SLC6A5: variants seen among roughly 807,000 people sequenced by gnomAD.
SLC6A5 encodes the protein sodium- and chloride-dependent glycine transporter 2.
A neutral mutation model predicts 90.5 loss-of-function variants in SLC6A5; 58 were observed. That is an observed-to-expected ratio of 0.64 (90% CI 0.52 to 0.80). The LOEUF is 0.80. Among genes scored for constraint, SLC6A5 ranks in the 30% least tolerant of loss-of-function variants. The probability of loss-of-function intolerance (pLI) is 0.00; values close to 1 mark genes in which losing one functional copy is unlikely to be tolerated. For synonymous variants in SLC6A5, 427 were observed against 401.4 expected, an observed-to-expected ratio of 1.06 and a Z score of -0.76; for missense variants, 1,015 against 1,017.6, an observed-to-expected ratio of 1.00 and a Z score of 0.03.
chr11:20,651,209 T>G, intron 14 of SLC6A5, among the ~76,000 whole-genome samples: 1 of 110,694 alleles, frequency 9.0e-6, no homozygotes, highest in Non-Finnish European at 1.8e-5. Context: ...TCCCTCCCCT[T>G]CCCTTCCCTC....
intron 4 of SLC6A5, 127 bp from the exon 5 acceptor site, chr11:20,607,352 C>G: frequency 8.2e-7 from 1 of 1,212,450 alleles, no homozygotes; most frequent in Non-Finnish European, 1.2e-6. Flanking sequence ...GACATACAGT[C>G]CACTCTGCTA....
chr11:20,604,857 A>T (rs574558334), intron 3 of SLC6A5, among the ~76,000 whole-genome samples: 21 of 152,174 alleles, frequency 1.4e-4, no homozygotes, highest in African/African-American at 4.6e-4. Flanking sequence ...GAGATCTAAG[A>T]GGTGAGGGGG....
At chr11:20,606,664 G>C (rs1852587308) in intron 3 of SLC6A5, among the ~76,000 whole-genome samples, 1 of 152,102 alleles carries the variant, frequency 6.6e-6, no homozygotes, top group Non-Finnish European at 1.5e-5. Flanking sequence ...CAAAGGCATG[G>C]ACTGGTTGAG....
intron 3 of SLC6A5, among the ~76,000 whole-genome samples, chr11:20,606,222 C>T (rs1590155618): frequency 6.6e-6 from 1 of 152,242 alleles, no homozygotes; most frequent in Non-Finnish European, 1.5e-5. Flanking sequence ...CTGCCAAGTA[C>T]TATTGCCCTA....
intron 10 of SLC6A5, among the ~76,000 whole-genome samples, chr11:20,634,094 A>T (rs1477546789): frequency 6.6e-6 from 1 of 151,460 alleles, no homozygotes; most frequent in Non-Finnish European, 1.5e-5. Context: ...CTGGTCTTGA[A>T]CTCCTCACCT....
chr11:20,601,090 G>T lies in SLC6A5; in HGVS notation c.4-39G>T, dbSNP rs531278694. 4.1e-5 allele frequency: 64 copies of T among 1,562,750 alleles called. No individual in the cohort carries two copies. In the South Asian group the frequency reaches 6.0e-4, roughly 15 times the overall value. ...AGATACAGGTATTTTAAAAGCTGTTGTGACTTTGTTTTGCACGAACTTGAC... is the reference window on the plus strand; with the variant it reads ...AGATACAGGTATTTTAAAAGCTGTTTTGACTTTGTTTTGCACGAACTTGAC... On this transcript the variant is annotated intron_variant, in intron 1 of 15. Coordinates refer to ENST00000525748, the MANE Select transcript of SLC6A5 (RefSeq NM_004211.5).
At chr11:20,647,080 T>C (rs932584948) in intron 14 of SLC6A5, 146 bp downstream of exon 14, 7 of 695,724 alleles carry the variant, frequency 1.0e-5, no homozygotes, top group Non-Finnish European at 1.8e-5. Flanking sequence ...GTCTTTCAAA[T>C]GAGAAAACTG....
At chr11:20,643,217 ATCTC>A (rs557203052) in intron 13 of SLC6A5, among the ~76,000 whole-genome samples, 4 of 146,122 alleles carry the variant, frequency 2.7e-5, no homozygotes, top group Non-Finnish European at 4.5e-5. Flanking sequence ...AATTTCTAGA[ATCTC>A]TCTCTCTTTT....
In SLC6A5 at chr11:20,617,793, G is replaced by T. The variant is rs140296233; in HGVS notation, c.1169G>T (p.Gly390Val). The change falls in exon 7 of 16, where the codon GGC becomes GTC. Residue 390 changes from glycine to valine, a missense_variant. By Grantham distance (109) the Gly-to-Val change is moderately radical. This residue lies in a region of SLC6A5 where 567 missense variants were observed against 507.3 expected (regional missense o/e 1.12). Coordinates refer to ENST00000525748, the MANE Select transcript of SLC6A5 (RefSeq NM_004211.5). Reference sequence around the variant, plus strand: ...ATTTCTGCAGGGATTGAATATCCTGGCGAGATCAGGTGGCCACTAGCTCTC... The same window carrying T: ...ATTTCTGCAGGGATTGAATATCCTGTCGAGATCAGGTGGCCACTAGCTCTC... ...LKISAGIEYP[G>V]EIRWPLALCL... The T allele has an allele frequency of 5.3e-4, 853 of 1,614,038 alleles. 1 individual carries two copies. The highest frequency in any genetic ancestry group is 6.1e-4 in the Non-Finnish European group (714 of 1,180,024).
At chr11:20,624,693 T>C (rs7940151) in intron 7 of SLC6A5, among the ~76,000 whole-genome samples, 40,787 of 152,036 alleles carry the variant, frequency 0.27, 5,534 homozygotes, top group Middle Eastern at 0.34. Context: ...CCTGAACCAA[T>C]AGCCGTCACC....
intron 13 of SLC6A5, among the ~76,000 whole-genome samples, chr11:20,644,712 G>T (rs1478923170): frequency 6.6e-6 from 1 of 152,168 alleles, no homozygotes; most frequent in Non-Finnish European, 1.5e-5. Flanking sequence ...TGCCACAAGA[G>T]CATGTATCTT....
rs369502336 is a variant in SLC6A5 at position 20,617,824 on chromosome 11, C to T, written c.1200C>T (p.Leu400=). The change falls in exon 7 of 16, where the codon CTC becomes CTT. Residue 400 remains leucine (L), a synonymous_variant. Transcript: ENST00000525748. Reference sequence around the variant, plus strand: ...TCAGGTGGCCACTAGCTCTCTGCCTCTTCCTGGCTTGGGTCATTGTGTATG... The same window carrying T: ...TCAGGTGGCCACTAGCTCTCTGCCTTTTCCTGGCTTGGGTCATTGTGTATG... ...GEIRWPLALC[L]FLAWVIVYAS... 19 of 1,614,030 alleles carry T rather than the reference C, an allele frequency of 1.2e-5. No individual in the cohort carries two copies. Among genetic ancestry groups the T allele is most frequent in the African/African-American group, 9.3e-5 (7 of 74,922 alleles).
intron 3 of SLC6A5, among the ~76,000 whole-genome samples, chr11:20,606,778 G>A (rs907761062): frequency 6.6e-6 from 1 of 152,192 alleles, no homozygotes; most frequent in Non-Finnish European, 1.5e-5. Context: ...GTGGAGAGTT[G>A]AAATAAGGAG....
chr11:20,656,885 T>TTGA lies in SLC6A5; in HGVS notation c.*2021_*2023dup, dbSNP rs1853643447. ...CACAGATTTCTCTAAGAAAGCCATATTGATGAGAAGCCCCCAATTACTGCA... is the reference window on the plus strand; with the variant it reads ...CACAGATTTCTCTAAGAAAGCCATATTGATGATGAGAAGCCCCCAATTACTGCA... On this transcript the variant is annotated 3_prime_UTR_variant, in exon 16 of 16. Coordinates refer to ENST00000525748, the MANE Select transcript of SLC6A5 (RefSeq NM_004211.5). 6.6e-6 allele frequency: 1 copy of TTGA among 152,158 alleles called. No homozygotes were observed. The highest frequency in any genetic ancestry group is 2.4e-5 in the African/African-American group (1 of 41,402). 9.4% of individuals were successfully genotyped at this position (152,158 alleles called of 1,614,324 possible). A position where few individuals can be genotyped will look rare whatever the true frequency, so the allele number is the denominator to read the frequency against.
At chr11:20,644,450 A>T (rs775710723) in intron 13 of SLC6A5, among the ~76,000 whole-genome samples, 6 of 152,210 alleles carry the variant, frequency 3.9e-5, no homozygotes, top group Non-Finnish European at 5.9e-5. Context: ...GCCGTTGTGT[A>T]TGTACACCAC....
chr11:20,637,141 C>T (rs765305303), intron 11 of SLC6A5, 31 bp from the exon 12 acceptor site: 21 of 1,612,552 alleles, frequency 1.3e-5, no homozygotes, highest in African/African-American at 1.3e-5. Context: ...TACAATTTGA[C>T]TCAGATGTTC....
intron 7 of SLC6A5, among the ~76,000 whole-genome samples, chr11:20,622,046 T>A (rs1457562749): frequency 6.6e-6 from 1 of 152,192 alleles, no homozygotes; most frequent in Non-Finnish European, 1.5e-5. Context: ...GAAGGATGCC[T>A]GGAGGTGTCA....
intron 9 of SLC6A5, 108 bp from the exon 10 acceptor site, chr11:20,630,583 C>T (rs1853088990): frequency 5.4e-6 from 7 of 1,299,912 alleles, no homozygotes; most frequent in Non-Finnish European, 6.7e-6. Context: ...ACGTATATGC[C>T]TACACATGTG....
intron 3 of SLC6A5, among the ~76,000 whole-genome samples, chr11:20,606,205 T>C (rs184899142): frequency 2.0e-3 from 301 of 152,344 alleles, no homozygotes; most frequent in African/African-American, 6.4e-3. Flanking sequence ...AGTGACTCTA[T>C]GGAGGCCTGC....
Sources: allele counts gnomAD v4.1 joint callset (sites outside exome capture counted in the v4.1 genomes callset), GRCh38; gene constraint gnomAD v4.1.1; regional missense constraint gnomAD v4.1.1; transcripts MANE v1.5; gene names NCBI Gene and HGNC (gene_info 2026-07-23, HGNC 2026-07-21).